CSMD1: variants seen among roughly 807,000 people sequenced by gnomAD.
CSMD1 encodes the protein CUB and sushi domain-containing protein 1.
Under a neutral mutation model 417.5 loss-of-function variants are expected in CSMD1, and 213 were observed. The observed-to-expected ratio is 0.51, with a 90% confidence interval of 0.46 to 0.57. The LOEUF is 0.57. CSMD1 is among the 20% of genes least tolerant of loss of function. The pLI, the probability that CSMD1 is intolerant of heterozygous loss-of-function variation, is 0.00. For synonymous variants in CSMD1, 2,862 were observed against 1,736.8 expected (o/e 1.65, Z -16.11); for missense variants, 6,923 against 4,529.7 (o/e 1.53, Z -15.17).
chr8:4,627,195 G>A (rs2724956), intron 2 of CSMD1, among the ~76,000 whole-genome samples: 7 of 151,926 alleles, frequency 4.6e-5, no homozygotes, highest in Non-Finnish European at 1.0e-4. Flanking sequence ...TACTCTTAGA[G>A]GTTGAAAGGA....
At chr8:4,475,377 A>G (rs1800743671) in intron 2 of CSMD1, among the ~76,000 whole-genome samples, 1 of 152,202 alleles carries the variant, frequency 6.6e-6, no homozygotes, top group Non-Finnish European at 1.5e-5. Context: ...TATGAACAAT[A>G]TCAAATGTGT....
rs76859045 is a variant in CSMD1 at position 3,957,871 on chromosome 8, G to C, written c.818+40032C>G. Among the ~76,000 whole-genome samples, 596 of 152,314 alleles carry C rather than the reference G, an allele frequency of 3.9e-3. 8 individuals are homozygous for C. The highest frequency in any genetic ancestry group is 0.026 in the South Asian group (126 of 4,820). ...GCCCATAAGAGGCACATTTGGAGCC[G>C]ATGTGGGGCTATCGCTGTATAATAA... On this transcript the variant is annotated intron_variant, in intron 5 of 69. Coordinates refer to ENST00000635120, the MANE Select transcript of CSMD1 (RefSeq NM_033225.6).
At chr8:2,978,018 A>T (rs1211829000) in intron 55 of CSMD1, among the ~76,000 whole-genome samples, 4 of 152,212 alleles carry the variant, frequency 2.6e-5, no homozygotes, top group Admixed American at 1.3e-4. Flanking sequence ...CAGTGTAGCG[A>T]TTCCTCAAAG....
chr8:3,872,942 A>T (rs1170659016), intron 5 of CSMD1, among the ~76,000 whole-genome samples: 2 of 152,190 alleles, frequency 1.3e-5, no homozygotes, highest in African/African-American at 4.8e-5. Flanking sequence ...GCCAACAATC[A>T]TATGAAAAAA....
At chr8:4,266,834 C>A (rs1187376444) in intron 3 of CSMD1, among the ~76,000 whole-genome samples, 1 of 103,766 alleles carries the variant, frequency 9.6e-6, no homozygotes, top group African/African-American at 2.6e-5. Flanking sequence ...TCATTTACTG[C>A]AAAAATAAAA....
At chr8:4,569,456 A>T (rs1160876889) in intron 2 of CSMD1, among the ~76,000 whole-genome samples, 2 of 151,978 alleles carry the variant, frequency 1.3e-5, no homozygotes, top group African/African-American at 4.8e-5. Flanking sequence ...ATGGTTGTAG[A>T]TGTGTGGTGT....
chr8:4,465,806 C>A, intron 2 of CSMD1, among the ~76,000 whole-genome samples: 1 of 152,126 alleles, frequency 6.6e-6, no homozygotes, highest in Non-Finnish European at 1.5e-5. Flanking sequence ...TACTTTACTG[C>A]CAACCCACCC....
At chr8:4,327,112 C>T in intron 3 of CSMD1, among the ~76,000 whole-genome samples, 1 of 152,072 alleles carries the variant, frequency 6.6e-6, no homozygotes, top group Non-Finnish European at 1.5e-5. Context: ...GAGGGGAATC[C>T]AGCTGTAATA....
chr8:4,934,215 A>T (rs920213596), intron 1 of CSMD1, among the ~76,000 whole-genome samples: 1 of 152,208 alleles, frequency 6.6e-6, no homozygotes, highest in Non-Finnish European at 1.5e-5. Context: ...AAGCTCCTCC[A>T]ACATTTTTAT....
chr8:3,798,340 T>C (rs1388890890), intron 5 of CSMD1, among the ~76,000 whole-genome samples: 3 of 152,178 alleles, frequency 2.0e-5, no homozygotes, highest in Middle Eastern at 6.8e-3. Flanking sequence ...GTATATCTGA[T>C]GGCAGTAAGT....
intron 37 of CSMD1, among the ~76,000 whole-genome samples, chr8:3,173,224 G>GT (rs1209014942): frequency 6.6e-6 from 1 of 152,094 alleles, no homozygotes. Context: ...TCTGTTATTA[G>GT]TTTTTTGTGT....
intron 37 of CSMD1, among the ~76,000 whole-genome samples, chr8:3,177,531 A>C (rs7004125): frequency 0.29 from 43,689 of 152,112 alleles, 7,020 homozygotes; most frequent in East Asian, 0.44. Context: ...GGTGTGTTTC[A>C]ATCTCTAGGA....
At chr8:3,862,925 G>C (rs1280160092) in intron 5 of CSMD1, among the ~76,000 whole-genome samples, 3 of 152,090 alleles carry the variant, frequency 2.0e-5, no homozygotes, top group Non-Finnish European at 4.4e-5. Flanking sequence ...CATTTGTCTG[G>C]GGATTTTTAA....
chr8:4,881,464 T>TATCTA (rs35453090), intron 1 of CSMD1, among the ~76,000 whole-genome samples: 19 of 139,928 alleles, frequency 1.4e-4, no homozygotes, highest in African/African-American at 3.6e-4. Flanking sequence ...TCTATCTATC[T>TATCTA]TGTCTCCCTA....
chr8:4,570,534 G>A (rs368627243), intron 2 of CSMD1, among the ~76,000 whole-genome samples: 1 of 152,166 alleles, frequency 6.6e-6, no homozygotes, highest in Non-Finnish European at 1.5e-5. Flanking sequence ...GATTTGATTT[G>A]CCAGTATTTT....
chr8:4,033,337 G>C (rs1312422846), intron 3 of CSMD1, among the ~76,000 whole-genome samples: 3 of 152,060 alleles, frequency 2.0e-5, no homozygotes, highest in African/African-American at 4.8e-5. Flanking sequence ...AGCTACTTGG[G>C]AGGCTGAGGC....
chr8:4,086,273 G>A (rs566363985), intron 3 of CSMD1, among the ~76,000 whole-genome samples: 5 of 152,188 alleles, frequency 3.3e-5, no homozygotes, highest in African/African-American at 1.2e-4. Context: ...CCAAGAGGGA[G>A]GGACTTACTC....
intron 1 of CSMD1, among the ~76,000 whole-genome samples, chr8:4,859,529 C>T (rs1163827762): frequency 6.6e-6 from 1 of 152,246 alleles, no homozygotes; most frequent in Admixed American, 6.5e-5. Context: ...AGGGCAATAT[C>T]CAGAATCTAC....
intron 22 of CSMD1, among the ~76,000 whole-genome samples, chr8:3,346,968 G>A (rs947319793): frequency 7.2e-5 from 11 of 152,188 alleles, no homozygotes; most frequent in South Asian, 2.1e-4. Flanking sequence ...GTGACTGGAC[G>A]GATGATTTAT....
Sources: gnomAD v4.1 joint callset for allele counts (sites outside exome capture counted in the v4.1 genomes callset) on GRCh38, gnomAD v4.1.1 for gene constraint, MANE v1.5 for transcripts, NCBI Gene and HGNC (gene_info 2026-07-23, HGNC 2026-07-21) for gene names.